Variants in CAMTA1 observed in about 807,000 individuals in gnomAD.
The protein encoded by CAMTA1 is calmodulin-binding transcription activator 1.
CAMTA1 carries 27 observed loss-of-function variants against 170.9 expected under a neutral mutation model. That is an observed-to-expected ratio of 0.16 (90% CI 0.12 to 0.22). The LOEUF is 0.22. Ranked by LOEUF, CAMTA1 falls within the 10% of genes least tolerant of loss-of-function variation. CAMTA1 has a pLI of 1.00. For missense variants in CAMTA1, 1,619 were observed against 2,217.2 expected, an observed-to-expected ratio of 0.73 and a Z score of 5.42; for synonymous variants, 833 against 891.5, an observed-to-expected ratio of 0.93 and a Z score of 1.17.
At chr1:7,233,847 C>T (rs1209777127) in intron 4 of CAMTA1, among the ~76,000 whole-genome samples, 1 of 152,166 alleles carries the variant, frequency 6.6e-6, no homozygotes, top group East Asian at 1.9e-4. Flanking sequence ...TTTAATCCCT[C>T]GGCCTACTAT....
Position 6,919,777 on chromosome 1 carries a change from C to T in CAMTA1, c.234+94567C>T, listed in dbSNP as rs552515040. Among the ~76,000 whole-genome samples, 3 of 152,258 alleles carry T rather than the reference C, an allele frequency of 2.0e-5. No homozygotes were observed. In the South Asian group the frequency reaches 6.2e-4, roughly 32 times the overall value. On this transcript the variant is annotated intron_variant, in intron 3 of 22. Transcript: ENST00000303635. Reference sequence around the variant, plus strand: ...GTCACCTTATGCGGATGGCAGCAGGCAAAGAGCTTGTGCAGGGAAACTCCC... The same window carrying T: ...GTCACCTTATGCGGATGGCAGCAGGTAAAGAGCTTGTGCAGGGAAACTCCC...
intron 3 of CAMTA1, among the ~76,000 whole-genome samples, chr1:6,959,732 A>T (rs1690059408): frequency 6.6e-6 from 1 of 152,134 alleles, no homozygotes; most frequent in African/African-American, 2.4e-5. Flanking sequence ...TGACTGCCCC[A>T]TTTTCCTTGA....
chr1:7,385,282 G>C (rs1016393229), intron 5 of CAMTA1, among the ~76,000 whole-genome samples: 2 of 151,952 alleles, frequency 1.3e-5, no homozygotes, highest in African/African-American at 4.8e-5. Context: ...GTAGAGACAA[G>C]GTTTCACCGT....
At chr1:7,450,936 G>C (rs1168718291) in intron 5 of CAMTA1, among the ~76,000 whole-genome samples, 2 of 152,214 alleles carry the variant, frequency 1.3e-5, no homozygotes, top group Non-Finnish European at 2.9e-5. Context: ...GATCATCCTA[G>C]AGGCTGCAGG....
intron 3 of CAMTA1, among the ~76,000 whole-genome samples, chr1:6,886,510 C>G (rs1011920014): frequency 3.9e-5 from 6 of 152,338 alleles, no homozygotes; most frequent in Admixed American, 3.3e-4. Context: ...CTTTTCAGTA[C>G]CTGTTCTAGG....
chr1:7,584,262 G>C (rs532226938), intron 6 of CAMTA1, among the ~76,000 whole-genome samples: 1 of 152,140 alleles, frequency 6.6e-6, no homozygotes, highest in East Asian at 2.0e-4. Flanking sequence ...ACTCCAGCAA[G>C]GAGAAGTGGG....
At chr1:6,827,458 A>C (rs1367366226) in intron 3 of CAMTA1, among the ~76,000 whole-genome samples, 1 of 151,938 alleles carries the variant, frequency 6.6e-6, no homozygotes, top group Non-Finnish European at 1.5e-5. Context: ...AAATAGAGGA[A>C]TATTAAGTGT....
At chr1:7,237,990 T>C (rs577906493) in intron 4 of CAMTA1, among the ~76,000 whole-genome samples, 4 of 152,210 alleles carry the variant, frequency 2.6e-5, no homozygotes, top group Non-Finnish European at 5.9e-5. Context: ...CTTAAGGAGC[T>C]GAGCTAAAAT....
At chr1:7,078,108 T>A (rs1328241916) in intron 3 of CAMTA1, among the ~76,000 whole-genome samples, 1 of 152,252 alleles carries the variant, frequency 6.6e-6, no homozygotes, top group African/African-American at 2.4e-5. Context: ...ATGCAGCATA[T>A]TTTTGCATAG....
intron 4 of CAMTA1, among the ~76,000 whole-genome samples, chr1:7,210,275 T>C (rs1658519437): frequency 6.6e-6 from 1 of 152,236 alleles, no homozygotes; most frequent in Non-Finnish European, 1.5e-5. Context: ...TTGTCTTTCA[T>C]GACCTTGCCA....
chr1:6,886,348 T>G (rs1339001941), intron 3 of CAMTA1: 1 of 442,788 alleles, frequency 2.3e-6, no homozygotes, highest in Non-Finnish European at 4.5e-6. Context: ...AAAAAAAATG[T>G]AATTGACATT....
At chr1:7,343,997 A>G (rs1225953956) in intron 5 of CAMTA1, among the ~76,000 whole-genome samples, 2 of 152,224 alleles carry the variant, frequency 1.3e-5, no homozygotes, top group African/African-American at 4.8e-5. Flanking sequence ...CATTGCCCAG[A>G]ATAGTCATCT....
chr1:7,049,563 T>A (rs1705969795), intron 3 of CAMTA1, among the ~76,000 whole-genome samples: 1 of 152,130 alleles, frequency 6.6e-6, no homozygotes, highest in African/African-American at 2.4e-5. Flanking sequence ...TGCAAGCGAT[T>A]CTTCTGACTC....
intron 3 of CAMTA1, among the ~76,000 whole-genome samples, chr1:6,896,100 T>G (rs1296850136): frequency 1.3e-5 from 2 of 152,140 alleles, no homozygotes; most frequent in Admixed American, 1.3e-4. Flanking sequence ...TAGAAGCTGC[T>G]CCTCAAATTC....
At chr1:6,865,940 A>G (rs1306999970) in intron 3 of CAMTA1, among the ~76,000 whole-genome samples, 4 of 152,214 alleles carry the variant, frequency 2.6e-5, no homozygotes, top group Non-Finnish European at 5.9e-5. Context: ...TTAAAGTTGT[A>G]AAGACTTTTT....
At chr1:7,753,994 C>A (rs2096914979) in intron 21 of CAMTA1, among the ~76,000 whole-genome samples, 1 of 152,192 alleles carries the variant, frequency 6.6e-6, no homozygotes, top group Admixed American at 6.5e-5. Context: ...TCAATCATAC[C>A]TTTTACTTAG....
intron 6 of CAMTA1, among the ~76,000 whole-genome samples, chr1:7,563,852 A>G (rs1191634428): frequency 6.6e-6 from 1 of 152,150 alleles, no homozygotes; most frequent in Non-Finnish European, 1.5e-5. Flanking sequence ...ATGCCTGCCC[A>G]TGGAACTGCA....
At chr1:7,743,530 G>A (rs1366476947) in intron 16 of CAMTA1, among the ~76,000 whole-genome samples, 2 of 152,080 alleles carry the variant, frequency 1.3e-5, no homozygotes, top group African/African-American at 2.4e-5. Context: ...TATCCCCAGA[G>A]GTTTGCTTTT....
chr1:7,302,325 C>T lies in CAMTA1; in HGVS notation c.438+52699C>T, dbSNP rs546644728. 3.9e-4 allele frequency among the ~76,000 whole-genome samples: 59 copies of T among 152,134 alleles called. No individual in the cohort carries two copies. The Middle Eastern group carries it at 0.014, about 35-fold the overall frequency. On this transcript the variant is annotated intron_variant, in intron 5 of 22. Coordinates refer to ENST00000303635, the MANE Select transcript of CAMTA1 (RefSeq NM_015215.4). The stretch of plus-strand genomic sequence containing the variant: ...CTTTTTGGAGCAGCTCACCTCTCAC[C>T]GACAATAACAGGGAGAACCTTTGTG...
Sources: allele counts gnomAD v4.1 joint callset (sites outside exome capture counted in the v4.1 genomes callset), GRCh38; gene constraint gnomAD v4.1.1; transcripts MANE v1.5; gene names NCBI Gene and HGNC (gene_info 2026-07-23, HGNC 2026-07-21).